The following NPTN variants were observed in gnomAD, a reference collection of about 807,000 sequenced individuals.
NPTN encodes the protein SDR-1.
Under a neutral mutation model 42.7 loss-of-function variants are expected in NPTN, and 5 were observed. The observed-to-expected ratio is 0.12, with a 90% CI of 0.06 to 0.25. The LOEUF is 0.25. Among genes scored for constraint, NPTN ranks in the 10% least tolerant of loss-of-function variants. The pLI is 1.00. For synonymous variants in NPTN, 180 were observed against 201.9 expected (o/e 0.89, Z 0.92); for missense variants, 307 against 525.4 (o/e 0.58, Z 4.06).
At chr15:73,595,481 C>CT (rs907323848) in intron 2 of NPTN, among the ~76,000 whole-genome samples, 1 of 152,144 alleles carries the variant, frequency 6.6e-6, no homozygotes, top group African/African-American at 2.4e-5. Context: ...ACAAAGGACT[C>CT]TTTTTTTACC....
intron 1 of NPTN, 189 bp downstream of exon 1, chr15:73,632,936 G>A: frequency 4.6e-6 from 2 of 433,638 alleles, no homozygotes; most frequent in East Asian, 3.6e-5. Context: ...GCTCGGATAG[G>A]AGCCTCCGGT....
Position 73,597,012 on chromosome 15 carries a change from C to A in NPTN, c.439+10G>T. ...ACTACAGTACTACTACTGTAGGGTG[C>A]TGGACTCACTCTGAAGGACGCTTAT... On this transcript the variant is annotated intron_variant, in intron 2 of 8. Coordinates refer to ENST00000345330, the MANE Select transcript of NPTN (RefSeq NM_012428.4). This position sits in a 1 kb window ranked among gnomAD's most constrained non-coding sequence, Gnocchi z 6.3. 1 of 1,609,550 alleles carries A rather than the reference C, an allele frequency of 6.2e-7. No homozygotes were observed. The highest frequency in any genetic ancestry group is 8.5e-7 in the Non-Finnish European group (1 of 1,177,240).
intron 1 of NPTN, among the ~76,000 whole-genome samples, chr15:73,618,078 T>C (rs1428742938): frequency 6.6e-6 from 1 of 152,222 alleles, no homozygotes; most frequent in Non-Finnish European, 1.5e-5. Context: ...CAGTAAGTGG[T>C]AGCTCTGCAG....
At chr15:73,625,878 A>G (rs1898379007) in intron 1 of NPTN, among the ~76,000 whole-genome samples, 1 of 152,220 alleles carries the variant, frequency 6.6e-6, no homozygotes, top group Non-Finnish European at 1.5e-5. Flanking sequence ...AAAGATCTAA[A>G]AGAAAAAAAG....
intron 1 of NPTN, among the ~76,000 whole-genome samples, chr15:73,619,589 C>G (rs1898032744): frequency 6.6e-6 from 1 of 152,116 alleles, no homozygotes; most frequent in South Asian, 2.1e-4. Context: ...AAAAGCTAAC[C>G]TGAAAGACCA....
chr15:73,623,491 A>G (rs1222010277), intron 1 of NPTN, among the ~76,000 whole-genome samples: 1 of 152,208 alleles, frequency 6.6e-6, no homozygotes. Context: ...GTTTGAGACC[A>G]GCCTGGGCAA....
At chr15:73,577,426 G>T (rs55816897) in intron 4 of NPTN, among the ~76,000 whole-genome samples, 67,609 of 151,976 alleles carry the variant, frequency 0.44, 15,283 homozygotes, top group Admixed American at 0.49. Context: ...ACTGAGACAG[G>T]GAAAGAGATC....
At position 73,597,974 on chromosome 15, in the gene NPTN, C is replaced by A. The variant is rs898554899; in HGVS notation, c.92-605G>T. The stretch of plus-strand genomic sequence containing the variant: ...CTCACACAGGATTCTATCCTGGGTT[C>A]GATTAGACTTTCTCCACCTCCTATT... On this transcript the variant is annotated intron_variant, in intron 1 of 8. Transcript: ENST00000345330. This position sits in a 1 kb window ranked among gnomAD's most constrained non-coding sequence, Gnocchi z 6.3. 6.6e-6 allele frequency among the ~76,000 whole-genome samples: 1 copy of A among 152,156 alleles called. No individual in the cohort carries two copies. Among genetic ancestry groups the A allele is most frequent in the African/African-American group, 2.4e-5 (1 of 41,428 alleles).
chr15:73,577,030 C>A (rs1595907185), intron 4 of NPTN, among the ~76,000 whole-genome samples: 2 of 152,098 alleles, frequency 1.3e-5, no homozygotes, highest in East Asian at 1.9e-4. Context: ...ATTCTAAATT[C>A]TTTGTGGGTT....
At chr15:73,593,633 T>C (rs1896700421) in intron 2 of NPTN, among the ~76,000 whole-genome samples, 1 of 152,216 alleles carries the variant, frequency 6.6e-6, no homozygotes, top group Non-Finnish European at 1.5e-5. Context: ...GGAAATGTAA[T>C]GTCTTAAGGA....
intron 1 of NPTN, among the ~76,000 whole-genome samples, chr15:73,626,428 A>G (rs142920126): frequency 3.8e-4 from 58 of 152,370 alleles, no homozygotes; most frequent in Non-Finnish European, 2.9e-5. Flanking sequence ...AAACTTTTAA[A>G]CAGAAAGTGT....
intron 7 of NPTN, among the ~76,000 whole-genome samples, chr15:73,562,611 T>C (rs1894743997): frequency 6.6e-6 from 1 of 152,224 alleles, no homozygotes; most frequent in Non-Finnish European, 1.5e-5. Context: ...TCTAGGAGAT[T>C]CTGCCGATCT....
intron 5 of NPTN, among the ~76,000 whole-genome samples, chr15:73,572,810 T>C (rs746524626): frequency 3.3e-4 from 50 of 152,220 alleles, no homozygotes; most frequent in Non-Finnish European, 6.5e-4. Flanking sequence ...GCAAGTGATA[T>C]GGTTTGGATT....
intron 1 of NPTN, among the ~76,000 whole-genome samples, chr15:73,611,696 A>T (rs1038939492): frequency 5.3e-5 from 8 of 152,162 alleles, no homozygotes; most frequent in Non-Finnish European, 1.2e-4. Context: ...ATTTCTCAAA[A>T]CTCATAGTAT....
At chr15:73,562,656 T>C (rs1350271993) in intron 7 of NPTN, among the ~76,000 whole-genome samples, 2 of 152,142 alleles carry the variant, frequency 1.3e-5, no homozygotes, top group African/African-American at 2.4e-5. Flanking sequence ...CCCTCTCTCT[T>C]GGATACGAGC....
intron 1 of NPTN, among the ~76,000 whole-genome samples, chr15:73,611,934 A>G (rs1233046045): frequency 6.6e-6 from 1 of 151,952 alleles, no homozygotes; most frequent in Non-Finnish European, 1.5e-5. Context: ...CGATTTTTTT[A>G]AATTAAAAGT....
intron 4 of NPTN, among the ~76,000 whole-genome samples, chr15:73,581,302 G>A (rs897628004): frequency 6.6e-5 from 10 of 152,270 alleles, no homozygotes; most frequent in East Asian, 1.9e-4. Flanking sequence ...AGGTCTGAGC[G>A]TCTAACTAAG....
At position 73,600,855 on chromosome 15, in the gene NPTN, T is replaced by A. The variant is rs184410211; in HGVS notation, c.92-3486A>T. 3.3e-5 allele frequency among the ~76,000 whole-genome samples: 5 copies of A among 151,884 alleles called. No individual in the cohort carries two copies. In the East Asian group the frequency reaches 9.7e-4, roughly 29 times the overall value. ...GTTCTTAAAGCAACTGGGGGGAGGG[T>A]GAACAGTGTGAAAAGATAAGATGAT... On this transcript the variant is annotated intron_variant, in intron 1 of 8. Coordinates refer to ENST00000345330, the MANE Select transcript of NPTN (RefSeq NM_012428.4).
chr15:73,618,183 T>G (rs1413901203), intron 1 of NPTN, among the ~76,000 whole-genome samples: 3 of 152,238 alleles, frequency 2.0e-5, no homozygotes, highest in African/African-American at 7.2e-5. Context: ...CATCAGGAAT[T>G]AATTTCCTTT....
Sources: allele counts gnomAD v4.1 joint callset (sites outside exome capture counted in the v4.1 genomes callset), GRCh38; gene constraint gnomAD v4.1.1; non-coding constraint Gnocchi (gnomAD v3.1); transcripts MANE v1.5; gene names NCBI Gene and HGNC (gene_info 2026-07-23, HGNC 2026-07-21).